TLE3: variants seen among roughly 807,000 people sequenced by gnomAD.
The protein encoded by TLE3 is transducin-like enhancer protein 3.
In TLE3, 14 loss-of-function variants were observed where a neutral mutation model predicts 93.0. That is an observed-to-expected ratio of 0.15 (90% confidence interval 0.10 to 0.24). The LOEUF is 0.24. Ranked by LOEUF, TLE3 falls within the 10% of genes least tolerant of loss-of-function variation. The pLI, the probability that TLE3 is intolerant of heterozygous loss-of-function variation, is 1.00. For missense variants in TLE3, 693 were observed against 1,046.6 expected, an observed-to-expected ratio of 0.66 and a Z score of 4.66; for synonymous variants, 451 against 425.0, an observed-to-expected ratio of 1.06 and a Z score of -0.75.
intron 3 of TLE3, 135 bp downstream of exon 3, chr15:70,095,443 G>A: frequency 6.5e-7 from 1 of 1,539,228 alleles, no homozygotes; most frequent in Non-Finnish European, 8.8e-7. Context: ...GGCAAGACCA[G>A]ATTATGCCCT....
chr15:70,058,490 G>A lies in TLE3; in HGVS notation c.918+173C>T, dbSNP rs958062765. On this transcript the variant is annotated intron_variant, in intron 11 of 19. Coordinates refer to ENST00000451782, the MANE Select transcript of TLE3 (RefSeq NM_001105192.3). The surrounding 1 kb of genome is among the most constrained non-coding windows in gnomAD (Gnocchi z 4.1). The stretch of plus-strand genomic sequence containing the variant: ...CTCCCATTTTACAGACGTAGCAACC[G>A]AGGCTCAGAAACGTTAACTCATTAG... 54 of 1,286,164 alleles carry A rather than the reference G, an allele frequency of 4.2e-5. No homozygotes were observed. Among genetic ancestry groups the A allele is most frequent in the South Asian group, 4.0e-4 (26 of 65,536 alleles). 79.7% of individuals were successfully genotyped at this position (1,286,164 alleles called of 1,614,324 possible).
At chr15:70,082,169 A>G (rs1166869096) in intron 4 of TLE3, among the ~76,000 whole-genome samples, 1 of 152,226 alleles carries the variant, frequency 6.6e-6, no homozygotes, top group Non-Finnish European at 1.5e-5. Flanking sequence ...TTAACTTAAA[A>G]TATCCCATTG....
At chr15:70,059,600 C>T in intron 9 of TLE3, 140 bp from the exon 10 acceptor site, 1 of 764,014 alleles carries the variant, frequency 1.3e-6, no homozygotes, top group South Asian at 1.8e-5. Context: ...TCTACTCCAG[C>T]CCTGCCCTTC....
rs1274558531 is a variant in TLE3 at position 70,049,576 on chromosome 15, C to T, written c.*521G>A. On this transcript the variant is annotated 3_prime_UTR_variant, in exon 20 of 20. Transcript: ENST00000451782. Reference sequence around the variant, plus strand: ...GATTACAAATACAGCAGGCGAAATACACACTCAGAGTTTCCGGTGGGAAGG... The same window carrying T: ...GATTACAAATACAGCAGGCGAAATATACACTCAGAGTTTCCGGTGGGAAGG... 6.8e-6 allele frequency: 1 copy of T among 146,122 alleles called. No homozygotes were observed. The highest frequency in any genetic ancestry group is 2.0e-4 in the East Asian group (1 of 4,896). 9.1% of individuals were successfully genotyped at this position (146,122 alleles called of 1,614,324 possible).
chr15:70,053,399 G>A, intron 16 of TLE3, 25 bp from the exon 17 acceptor site: 2 of 1,585,504 alleles, frequency 1.3e-6, no homozygotes, highest in Non-Finnish European at 1.7e-6. Flanking sequence ...CAGGGAGGAG[G>A]GTGAGTCCCG....
At chr15:70,055,354 C>T in intron 14 of TLE3, 56 bp from the exon 15 acceptor site, 1 of 1,530,898 alleles carries the variant, frequency 6.5e-7, no homozygotes, top group Non-Finnish European at 8.8e-7. Context: ...TCAGAGTTCC[C>T]ATAGGCCTGG....
chr15:70,051,484 A>C lies in TLE3; in HGVS notation c.2126-17T>G. The C allele has an allele frequency of 6.3e-7, 1 of 1,598,262 alleles. No individual in the cohort carries two copies. Among genetic ancestry groups the C allele is most frequent in the South Asian group, 1.1e-5 (1 of 88,320 alleles). On this transcript the variant is annotated splice_polypyrimidine_tract_variant and intron_variant, in intron 18 of 19. Coordinates refer to ENST00000451782, the MANE Select transcript of TLE3 (RefSeq NM_001105192.3). ...ACCACTTGCCTGCAGGTGGGAGGCA[A>C]AGGCATGATCAGGTTGTAGCTCACT... is the stretch of plus-strand genomic sequence containing the variant.
chr15:70,084,683 A>C (rs922533843), intron 4 of TLE3, among the ~76,000 whole-genome samples: 3 of 152,202 alleles, frequency 2.0e-5, no homozygotes, highest in Non-Finnish European at 4.4e-5. Flanking sequence ...CAAGTTACTC[A>C]ACCTCTTTAA....
At position 70,066,207 on chromosome 15, in the gene TLE3, G is replaced by A; in HGVS notation, c.384C>T (p.Leu128=). 1 of 1,532,184 alleles carries A rather than the reference G, an allele frequency of 6.5e-7. No homozygotes were observed. Among genetic ancestry groups the A allele is most frequent in the Non-Finnish European group, 8.8e-7 (1 of 1,141,040 alleles). The allele number at this position is 1,532,184 out of a possible 1,614,324, so 94.9% of individuals were successfully genotyped here. A position where few individuals can be genotyped will look rare whatever the true frequency, so the allele number is the denominator to read the frequency against. ...TGGCATGGGAGAGGTGCTGCGCCTG[G>A]AGCTGCTGCTGCTGCAATGAAGTCG... ...ELNAIIGQQQ[L]QAQHLSHATH... is the part of the protein sequence containing the mutation. Residue 128 remains leucine, a synonymous_variant, in exon 7 of 20, where the codon CTC becomes CTT. Coordinates refer to ENST00000451782, the MANE Select transcript of TLE3 (RefSeq NM_001105192.3).
chr15:70,048,750 C>T lies in TLE3; in HGVS notation c.*1347G>A, dbSNP rs539229549. On this transcript the variant is annotated 3_prime_UTR_variant, in exon 20 of 20. Coordinates refer to ENST00000451782, the MANE Select transcript of TLE3 (RefSeq NM_001105192.3). ...TGCCAGAGGCGATAGTCTACCTAAC[C>T]TGTTTGGGCCACAAGAGACTGCAAT... 81 of 152,150 alleles carry T rather than the reference C, an allele frequency of 5.3e-4. No individual in the cohort carries two copies. Among genetic ancestry groups the T allele is most frequent in the Middle Eastern group, 3.4e-3 (1 of 292 alleles). The allele number at this position is 152,150 out of a possible 1,614,324, so 9.4% of individuals were successfully genotyped here.
intron 4 of TLE3, among the ~76,000 whole-genome samples, chr15:70,091,859 G>A (rs1186421003): frequency 6.6e-6 from 1 of 152,180 alleles, no homozygotes; most frequent in Admixed American, 6.5e-5. Context: ...AAAAATATGT[G>A]GTGGTGATGG....
At chr15:70,062,636 C>T (rs1007771611) in intron 8 of TLE3, among the ~76,000 whole-genome samples, 1 of 152,194 alleles carries the variant, frequency 6.6e-6, no homozygotes, top group Admixed American at 6.5e-5. Context: ...TCCAGACTAA[C>T]CCCTCTGGGA....
chr15:70,057,924 G>C (rs1263649986), intron 12 of TLE3: 1 of 747,228 alleles, frequency 1.3e-6, no homozygotes. Context: ...ACAGGGGTGG[G>C]AACAGATTTT....
chr15:70,080,815 G>A (rs2057738415), intron 4 of TLE3, among the ~76,000 whole-genome samples: 1 of 152,098 alleles, frequency 6.6e-6, no homozygotes, highest in Non-Finnish European at 1.5e-5. Context: ...CTAAATTAAG[G>A]GAAACGGAGC....
intron 4 of TLE3, 72 bp downstream of exon 4, chr15:70,094,460 G>C: frequency 1.7e-6 from 2 of 1,184,390 alleles, no homozygotes; most frequent in Non-Finnish European, 2.4e-6. Flanking sequence ...TCAAACAAGA[G>C]AGAACATAAG....
At chr15:70,092,034 G>A (rs551003380) in intron 4 of TLE3, among the ~76,000 whole-genome samples, 9 of 125,976 alleles carry the variant, frequency 7.1e-5, no homozygotes, top group African/African-American at 1.5e-4. Context: ...GTAATCACAC[G>A]AACAGTCAAG....
In TLE3 at chr15:70,057,479, G is replaced by A. The variant is rs2056150415; in HGVS notation, c.1231C>T (p.Pro411Ser). 3 of 1,606,342 alleles carry A rather than the reference G, an allele frequency of 1.9e-6. No individual in the cohort carries two copies. Among genetic ancestry groups the A allele is most frequent in the South Asian group, 2.2e-5 (2 of 89,510 alleles). Reference protein sequence around the residue: ...AAAAAAYGRSPMVSFGAVGFD... With the variant: ...AAAAAAYGRSSMVSFGAVGFD... ...CGTACAGCTCCAAAGCTCACCATTG[G>A]CGATCGGCCATAGGCAGCGGCTGCA... The change falls in exon 13 of 20, where the codon CCA (proline) becomes TCA (serine). Residue 411 changes from proline (P) to serine (S), a missense_variant. Transcript: ENST00000451782.
rs898383319 is a variant in TLE3, at chr15:70,082,529, A to G, written c.235-6371T>C. ...GAAGGTTCACATCACAGATCACTCA[A>G]TGACAGGTGAGCCTTCTTAAAGGCC... On this transcript the variant is annotated intron_variant, in intron 4 of 19. Transcript: ENST00000451782. Among the ~76,000 whole-genome samples the G allele has an allele frequency of 3.3e-5, 5 of 152,182 alleles. No homozygotes were observed. In the South Asian group the frequency reaches 6.2e-4, roughly 19 times the overall value.
intron 4 of TLE3, chr15:70,079,438 C>T (rs78212770): frequency 9.4e-6 from 4 of 427,202 alleles, no homozygotes; most frequent in East Asian, 8.2e-5. Flanking sequence ...GTTCTCCCAA[C>T]GTAAACCCAG....
Sources: gnomAD v4.1 joint callset for allele counts (sites outside exome capture counted in the v4.1 genomes callset) on GRCh38, gnomAD v4.1.1 for gene constraint, Gnocchi (gnomAD v3.1) non-coding constraint, MANE v1.5 for transcripts, NCBI Gene and HGNC (gene_info 2026-07-23, HGNC 2026-07-21) for gene names.